MTTP: variants seen among roughly 807,000 people sequenced by gnomAD.
The protein encoded by MTTP is microsomal triglyceride transfer protein large subunit.
In MTTP, 49 loss-of-function variants were observed where a neutral mutation model predicts 90.6. The ratio of observed to expected loss-of-function variants is 0.54; its 90% confidence interval spans 0.43 to 0.69. The LOEUF is 0.69. Among genes scored for constraint, MTTP ranks in the 30% least tolerant of loss-of-function variants. The pLI, the probability that MTTP is intolerant of heterozygous loss-of-function variation, is 0.00. For synonymous variants in MTTP, 347 were observed against 384.2 expected (o/e 0.90, Z 1.13); for missense variants, 945 against 1,067.5 (o/e 0.89, Z 1.60).
rs1195199708 is a variant in MTTP at position 99,589,553 on chromosome 4, G to A, written c.394-90G>A. The A allele has an allele frequency of 1.0e-5, 8 of 774,060 alleles. No individual in the cohort carries two copies. In the Admixed American group the frequency reaches 1.5e-4, roughly 14 times the overall value. 47.9% of individuals were successfully genotyped at this position (774,060 alleles called of 1,614,324 possible). A position where few individuals can be genotyped will look rare whatever the true frequency, so the allele number is the denominator to read the frequency against. ...TCTCTTTCTCCCAGGATTAATACAG[G>A]TAAGAATCTGACCTTGCCTGACACT... is the stretch of plus-strand genomic sequence containing the variant. On this transcript the variant is annotated intron_variant, in intron 3 of 17. Transcript: ENST00000265517.
chr4:99,619,963 A>T (rs1726189542), intron 16 of MTTP, among the ~76,000 whole-genome samples: 1 of 152,202 alleles, frequency 6.6e-6, no homozygotes, highest in African/African-American at 2.4e-5. Flanking sequence ...TCTAGACAGA[A>T]GTTTTTCCAA....
At position 99,621,181 on chromosome 4, in the gene MTTP, G is replaced by A. The variant is rs543546308; in HGVS notation, c.2463G>A (p.Gln821=). The A allele has an allele frequency of 8.7e-6, 14 of 1,614,042 alleles. 1 individual carries two copies. In the South Asian group the frequency reaches 1.4e-4, roughly 16 times the overall value. Residue 821 remains glutamine, a synonymous_variant, in exon 17 of 18, where the codon CAG becomes CAA. Transcript: ENST00000265517. ...LEFISTVQFS[Q]YPFLVCMQMD... ...TTATCTCCACAGTGCAGTTTTCTCAGTACCCATTCTTAGTTTGCATGCAGA... is the reference window on the plus strand; with the variant it reads ...TTATCTCCACAGTGCAGTTTTCTCAATACCCATTCTTAGTTTGCATGCAGA...
chr4:99,621,035 T>C, intron 16 of MTTP, 26 bp from the exon 17 acceptor site: 1 of 1,609,786 alleles, frequency 6.2e-7, no homozygotes. Context: ...ATGAACAAGT[T>C]TTTTCTTTTT....
chr4:99,568,321 A>G (rs11934921), intron 1 of MTTP, among the ~76,000 whole-genome samples: 29,744 of 152,080 alleles, frequency 0.2, 2,993 homozygotes, highest in South Asian at 0.3. Flanking sequence ...GTCACATGAT[A>G]TAAGGTTAAC....
Position 99,619,018 on chromosome 4 carries a change from G to GACCAAT in MTTP, c.2262_2263insACCAAT (p.Gln754_Gly755insThrAsn). 1 of 1,613,586 alleles carries GACCAAT rather than the reference G, an allele frequency of 6.2e-7. No homozygotes were observed. The highest frequency in any genetic ancestry group is 1.1e-5 in the South Asian group (1 of 91,070). On this transcript the variant is annotated inframe_insertion, in exon 16 of 18. Coordinates refer to ENST00000265517, the MANE Select transcript of MTTP (RefSeq NM_001386140.1). ...GACTAAAAGCCAATATAGAGGTCCAGGGTGGTCTAGCTATTGATATTTCAG... is the reference window on the plus strand; with the variant it reads ...GACTAAAAGCCAATATAGAGGTCCAGACCAATGGTGGTCTAGCTATTGATATTTCAG...
intron 15 of MTTP, among the ~76,000 whole-genome samples, chr4:99,615,267 C>A (rs1029153121): frequency 1.3e-5 from 2 of 152,378 alleles, no homozygotes; most frequent in Admixed American, 1.3e-4. Flanking sequence ...AGAGTGAAGA[C>A]AGCCATCAGC....
chr4:99,613,397 T>G lies in MTTP; in HGVS notation c.2217+257T>G, dbSNP rs1491245. 0.1 allele frequency among the ~76,000 whole-genome samples: 15,876 copies of G among 152,168 alleles called. 999 individuals are homozygous for G. Among genetic ancestry groups the G allele is most frequent in the Middle Eastern group, 0.2 (59 of 294 alleles). ...GTTGATGTTAACAGAAACAAGAAAG[T>G]TTAGGACACAACAGAATAGAGCTAC... On this transcript the variant is annotated intron_variant, in intron 15 of 17. Coordinates refer to ENST00000265517, the MANE Select transcript of MTTP (RefSeq NM_001386140.1).
In MTTP at chr4:99,582,006, G is replaced by C; in HGVS notation, c.163G>C (p.Val55Leu). ...GGGCAAAGGAAAACTGCAAGACAGC[G>C]TGGGCTACCGCATTTCCTCCAACGT... ...DRGKGKLQDSVGYRISSNVDV... is the reference protein window; with the variant it reads ...DRGKGKLQDSLGYRISSNVDV... Residue 55 changes from valine to leucine, a missense_variant, in exon 2 of 18, where the codon GTG becomes CTG. Coordinates refer to ENST00000265517, the MANE Select transcript of MTTP (RefSeq NM_001386140.1). 1 of 1,614,196 alleles carries C rather than the reference G, an allele frequency of 6.2e-7. No individual in the cohort carries two copies. Among genetic ancestry groups the C allele is most frequent in the Non-Finnish European group, 8.5e-7 (1 of 1,180,022 alleles).
chr4:99,569,850 A>G (rs1724795561), upstream of MTTP, among the ~76,000 whole-genome samples: 1 of 152,004 alleles, frequency 6.6e-6, no homozygotes, highest in Admixed American at 6.6e-5. Context: ...TTACATATTT[A>G]CATATACCAA....
intron 6 of MTTP, among the ~76,000 whole-genome samples, chr4:99,593,791 T>C (rs1725485717): frequency 2.6e-5 from 4 of 152,198 alleles, no homozygotes. Flanking sequence ...GGTATATCTA[T>C]AGTGTTTTAT....
At position 99,623,186 on chromosome 4, in the gene MTTP, C is replaced by T. The variant is rs1243242358; in HGVS notation, c.*338C>T. 3.0e-6 allele frequency: 1 copy of T among 331,866 alleles called. No homozygotes were observed. Among genetic ancestry groups the T allele is most frequent in the Non-Finnish European group, 5.7e-6 (1 of 174,286 alleles). 20.6% of individuals were successfully genotyped at this position (331,866 alleles called of 1,614,324 possible). ...TAAAAACAAAACCACACAAGGAGAA[C>T]CCAATTTTGTTTCAACAATTTTTGA... On this transcript the variant is annotated 3_prime_UTR_variant, in exon 18 of 18. Coordinates refer to ENST00000265517, the MANE Select transcript of MTTP (RefSeq NM_001386140.1).
chr4:99,589,824 A>G, intron 4 of MTTP, 74 bp downstream of exon 4: 1 of 1,049,086 alleles, frequency 9.5e-7, no homozygotes, highest in South Asian at 1.3e-5. Context: ...CAATTTCAGT[A>G]GAAGAGTTAC....
rs1726284973 is a variant in MTTP, at chr4:99,623,197, T to C, written c.*349T>C. On this transcript the variant is annotated 3_prime_UTR_variant, in exon 18 of 18. Transcript: ENST00000265517. ...CCACACAAGGAGAACCCAATTTTGT[T>C]TCAACAATTTTTGATCAATGTATAT... is the stretch of plus-strand genomic sequence containing the variant. 3.1e-6 allele frequency: 1 copy of C among 324,016 alleles called. No homozygotes were observed. Among genetic ancestry groups the C allele is most frequent in the African/African-American group, 2.1e-5 (1 of 46,846 alleles). The allele number at this position is 324,016 out of a possible 1,614,324, so 20.1% of individuals were successfully genotyped here.
intron 1 of MTTP, among the ~76,000 whole-genome samples, chr4:99,567,556 G>A (rs888534057): frequency 6.6e-6 from 1 of 152,196 alleles, no homozygotes. Context: ...TCTAAGCTCA[G>A]CTAAGTGTGA....
intron 10 of MTTP, among the ~76,000 whole-genome samples, chr4:99,603,234 T>G (rs904113515): frequency 6.6e-6 from 1 of 152,040 alleles, no homozygotes; most frequent in Non-Finnish European, 1.5e-5. Context: ...TAAGTGACAG[T>G]GGAGACACAG....
At position 99,577,620 on chromosome 4, in the gene MTTP, A is replaced by G. The variant is rs569999417; in HGVS notation, c.61+2650A>G. 6.8e-3 allele frequency among the ~76,000 whole-genome samples: 920 copies of G among 135,026 alleles called. 9 individuals are homozygous for G. The highest frequency in any genetic ancestry group is 0.012 in the Non-Finnish European group (681 of 58,898). The allele number at this position is 135,026 out of a possible 152,430, so 88.6% of individuals were successfully genotyped here. On this transcript the variant is annotated intron_variant, in intron 1 of 17. Transcript: ENST00000265517. ...AACTCTGTTTCAAAAAAAAAAAAAAAAAGAAAGAAAAGAAAGAAAGGAAGG... is the reference window on the plus strand; with the variant it reads ...AACTCTGTTTCAAAAAAAAAAAAAAGAAGAAAGAAAAGAAAGAAAGGAAGG...
intron 12 of MTTP, 42 bp from the exon 13 acceptor site, chr4:99,611,101 T>C: frequency 6.3e-7 from 1 of 1,579,322 alleles, no homozygotes; most frequent in Non-Finnish European, 8.7e-7. Flanking sequence ...GAAACAGTCA[T>C]TACAATGAAT....
At chr4:99,592,578 T>C (rs1168855749) in intron 6 of MTTP, among the ~76,000 whole-genome samples, 1 of 146,262 alleles carries the variant, frequency 6.8e-6, no homozygotes, top group African/African-American at 2.6e-5. Context: ...CATAAGCATA[T>C]ATATTAGCCT....
chr4:99,580,035 C>CAA (rs34092272), intron 1 of MTTP, among the ~76,000 whole-genome samples: 15 of 60,558 alleles, frequency 2.5e-4, no homozygotes, highest in Admixed American at 6.1e-4. Context: ...GACCCTGTCT[C>CAA]AAAAAAAAAA....
Sources: gnomAD v4.1 joint callset for allele counts (sites outside exome capture counted in the v4.1 genomes callset) on GRCh38, gnomAD v4.1.1 for gene constraint, MANE v1.5 for transcripts, NCBI Gene and HGNC (gene_info 2026-07-23, HGNC 2026-07-21) for gene names.